Variants in HDAC4 observed in about 807,000 individuals in gnomAD.
HDAC4 encodes histone deacetylase 4.
A neutral mutation model predicts 135.1 loss-of-function variants in HDAC4; 16 were observed. The ratio of observed to expected loss-of-function variants is 0.12; its 90% CI spans 0.08 to 0.18. The LOEUF (loss-of-function observed/expected upper bound fraction) is 0.18. Among genes scored for constraint, HDAC4 ranks in the 10% least tolerant of loss-of-function variants. The probability of loss-of-function intolerance (pLI) is 1.00; values close to 1 mark genes in which losing one functional copy is unlikely to be tolerated. For synonymous variants in HDAC4, 685 were observed against 653.4 expected (o/e 1.05, Z -0.74); for missense variants, 1,143 against 1,511.8 (o/e 0.76, Z 4.05).
intron 16 of HDAC4, among the ~76,000 whole-genome samples, chr2:239,096,004 G>T (rs563898720): frequency 6.6e-6 from 1 of 152,248 alleles, no homozygotes; most frequent in South Asian, 2.1e-4. Flanking sequence ...TCTGGCCTCA[G>T]CTGGGCTGTA....
chr2:239,317,598 A>G (rs1218011288), intron 2 of HDAC4, among the ~76,000 whole-genome samples: 1 of 152,206 alleles, frequency 6.6e-6, no homozygotes, highest in Non-Finnish European at 1.5e-5. Flanking sequence ...GATATTGATA[A>G]TAAAAGGTTA....
At chr2:239,345,158 T>C (rs76456129) in intron 2 of HDAC4, among the ~76,000 whole-genome samples, 6,177 of 152,254 alleles carry the variant, frequency 0.041, 436 homozygotes, top group African/African-American at 0.14. Flanking sequence ...GCAAGGGCCA[T>C]GCTCAGAATC....
Position 239,144,668 on chromosome 2 carries a change from C to T in HDAC4, c.780G>A (p.Val260=). ...ACAGGGGGCTGCTCCGTCTTTCGGC[C>T]ACTTTCTGCTTTAGCCTGGACCGTA... The part of the protein sequence containing the change: ...LKLRSRLKQK[V]AERRSSPLLR... Residue 260 remains valine, a synonymous_variant, in exon 8 of 27, where the codon GTG becomes GTA. Coordinates refer to ENST00000543185, the MANE Select transcript of HDAC4 (RefSeq NM_001378414.1). 6.2e-7 allele frequency: 1 copy of T among 1,614,222 alleles called. No individual in the cohort carries two copies. Among genetic ancestry groups the T allele is most frequent in the Non-Finnish European group, 8.5e-7 (1 of 1,180,042 alleles).
chr2:239,330,042 A>C (rs11693641), intron 2 of HDAC4, among the ~76,000 whole-genome samples: 69,857 of 152,110 alleles, frequency 0.46, 16,414 homozygotes, highest in South Asian at 0.53. Flanking sequence ...CCTGCCCTCC[A>C]AGCCCAAGCT....
At chr2:239,108,741 T>C (rs1316855243) in intron 14 of HDAC4, among the ~76,000 whole-genome samples, 1 of 152,170 alleles carries the variant, frequency 6.6e-6, no homozygotes, top group Non-Finnish European at 1.5e-5. Context: ...CTGGAACACA[T>C]ATGCTAGAAA....
At chr2:239,110,015 G>C (rs994714596) in intron 14 of HDAC4, among the ~76,000 whole-genome samples, 2 of 152,210 alleles carry the variant, frequency 1.3e-5, no homozygotes, top group Non-Finnish European at 2.9e-5. Flanking sequence ...GTGGCTAAAG[G>C]AACGCACTGC....
chr2:239,104,130 A>G (rs2037912026), intron 15 of HDAC4, among the ~76,000 whole-genome samples: 1 of 152,262 alleles, frequency 6.6e-6, no homozygotes, highest in Non-Finnish European at 1.5e-5. Context: ...TGGGGACATA[A>G]GTCACATGTC....
intron 22 of HDAC4, among the ~76,000 whole-genome samples, chr2:239,072,860 G>C (rs1314669704): frequency 6.6e-6 from 1 of 152,186 alleles, no homozygotes; most frequent in Non-Finnish European, 1.5e-5. Context: ...TCTGGTGGTG[G>C]AGGGACACAA....
intron 4 of HDAC4, among the ~76,000 whole-genome samples, chr2:239,181,061 TCA>T (rs748475159): frequency 2.0e-5 from 3 of 152,124 alleles, no homozygotes; most frequent in Non-Finnish European, 2.9e-5. Flanking sequence ...ACACCTGTGG[TCA>T]CACACAGCAA....
Position 239,068,896 on chromosome 2 carries a change from T to C in HDAC4, c.2751-289A>G. ...CACGGTGCAAGCCAGCAAGCCCCAC[T>C]GCACTTGCTTGGTGAGAGGGAGTCA... On this transcript the variant is annotated intron_variant, in intron 22 of 26. Transcript: ENST00000543185. The surrounding 1 kb of genome is among the most constrained non-coding windows in gnomAD (Gnocchi z 4.4). 1 of 315,736 alleles carries C rather than the reference T, an allele frequency of 3.2e-6. No individual in the cohort carries two copies. Among genetic ancestry groups the C allele is most frequent in the Non-Finnish European group, 6.2e-6 (1 of 160,480 alleles). 19.6% of individuals were successfully genotyped at this position (315,736 alleles called of 1,614,324 possible). A position where few individuals can be genotyped will look rare whatever the true frequency, so the allele number is the denominator to read the frequency against.
At chr2:239,399,773 AGCAATTAGGTAGGTCTCTACAGTCAT>A in intron 1 of HDAC4, among the ~76,000 whole-genome samples, 1 of 152,352 alleles carries the variant, frequency 6.6e-6, no homozygotes, top group South Asian at 2.1e-4. Flanking sequence ...GCTCTCAGCA[AGCAATTAGGTAGGTCTCTACAGTCAT>A]GCAATTAGGA....
chr2:239,356,101 G>C (rs1693472713), intron 1 of HDAC4, among the ~76,000 whole-genome samples: 1 of 151,956 alleles, frequency 6.6e-6, no homozygotes, highest in South Asian at 2.1e-4. Context: ...TCATCACCAA[G>C]GCATTACAAA....
At chr2:239,348,504 C>T (rs1283599508) in intron 2 of HDAC4, among the ~76,000 whole-genome samples, 1 of 152,182 alleles carries the variant, frequency 6.6e-6, no homozygotes, top group Non-Finnish European at 1.5e-5. Context: ...AAGACAAGGA[C>T]AGTTACTTGG....
chr2:239,387,805 A>G (rs1317274819), intron 1 of HDAC4, among the ~76,000 whole-genome samples: 1 of 152,018 alleles, frequency 6.6e-6, no homozygotes, highest in East Asian at 1.9e-4. Context: ...CTTTCCAACA[A>G]GAGTGCGCCC....
chr2:239,339,472 G>A (rs572237265), intron 2 of HDAC4, among the ~76,000 whole-genome samples: 1 of 152,314 alleles, frequency 6.6e-6, no homozygotes, highest in Admixed American at 6.5e-5. Flanking sequence ...CATTCCCCAG[G>A]TGAAGCCTAA....
intron 7 of HDAC4, among the ~76,000 whole-genome samples, chr2:239,151,488 T>TGAGTGACTGGTTTCAGAAGGCCCCA (rs367615366): frequency 1.1e-3 from 160 of 152,334 alleles, no homozygotes; most frequent in African/African-American, 3.8e-3. Context: ...GCCGTGACCT[T>TGAGTGACTGGTTTCAGAAGGCCCCA]GAGTGACTGG....
In HDAC4 at chr2:239,394,832, C is replaced by A. The variant is rs572307731; in HGVS notation, c.-220+6146G>T. ...CACTCATTCATTTTCTTTCATTCTT[C>A]GAGCACCTACACTGCCAAGCACAGG... On this transcript the variant is annotated intron_variant, in intron 1 of 26. Coordinates refer to ENST00000543185, the MANE Select transcript of HDAC4 (RefSeq NM_001378414.1). Among the ~76,000 whole-genome samples, 4 of 152,362 alleles carry A rather than the reference C, an allele frequency of 2.6e-5. No individual in the cohort carries two copies. In the East Asian group the frequency reaches 7.7e-4, roughly 29 times the overall value.
chr2:239,298,548 G>A (rs931758051), intron 2 of HDAC4: 18 of 1,023,022 alleles, frequency 1.8e-5, no homozygotes, highest in Non-Finnish European at 1.9e-5. Flanking sequence ...ATAGCCACTG[G>A]GGATGCAGGT....
intron 2 of HDAC4, among the ~76,000 whole-genome samples, chr2:239,242,097 G>A (rs1178939205): frequency 2.0e-5 from 3 of 146,504 alleles, no homozygotes; most frequent in African/African-American, 7.6e-5. Context: ...AAGGAAGGAA[G>A]GAAGGAGAAA....
Sources: allele counts gnomAD v4.1 joint callset (sites outside exome capture counted in the v4.1 genomes callset), GRCh38; gene constraint gnomAD v4.1.1; non-coding constraint Gnocchi (gnomAD v3.1); transcripts MANE v1.5; gene names NCBI Gene and HGNC (gene_info 2026-07-23, HGNC 2026-07-21).